VGLL4: variants seen among roughly 807,000 people sequenced by gnomAD.
VGLL4 encodes transcription cofactor vestigial-like protein 4.
A neutral mutation model predicts 21.0 loss-of-function variants in VGLL4; 7 were observed. The observed-to-expected ratio is 0.33, with a 90% CI of 0.19 to 0.63. The LOEUF (loss-of-function observed/expected upper bound fraction) is 0.63. VGLL4 is among the 20% of genes least tolerant of loss of function. The pLI, the probability that VGLL4 is intolerant of heterozygous loss-of-function variation, is 0.78. For missense variants in VGLL4, 394 were observed against 425.7 expected (o/e 0.93, Z 0.66); for synonymous variants, 222 against 173.2 (o/e 1.28, Z -2.21).
chr3:11,654,015 G>T (rs1455983641), intron 2 of VGLL4, among the ~76,000 whole-genome samples: 1 of 152,042 alleles, frequency 6.6e-6, no homozygotes, highest in Non-Finnish European at 1.5e-5. Flanking sequence ...CAAATTTGGG[G>T]GTGTTGTTAA....
intron 2 of VGLL4, chr3:11,582,277 G>C (rs561130315): frequency 4.4e-6 from 7 of 1,605,830 alleles, no homozygotes; most frequent in South Asian, 2.2e-5. Context: ...AAGGGTTCTT[G>C]GTACTAACCT....
At chr3:11,654,088 C>T (rs992113304) in intron 2 of VGLL4, among the ~76,000 whole-genome samples, 1 of 147,796 alleles carries the variant, frequency 6.8e-6, no homozygotes, top group Non-Finnish European at 1.5e-5. Flanking sequence ...ACACCCCCCA[C>T]CACCACCACC....
intron 1 of VGLL4, among the ~76,000 whole-genome samples, chr3:11,711,091 T>TC (rs993128471): frequency 2.1e-5 from 3 of 141,622 alleles, no homozygotes; most frequent in Non-Finnish European, 3.0e-5. Flanking sequence ...AGAGTGAGAC[T>TC]CCATCTCAAA....
At chr3:11,643,967 ATGC>A (rs1400691070), upstream of VGLL4, 15 of 992,282 alleles carry the variant, frequency 1.5e-5, no homozygotes, top group Non-Finnish European at 1.8e-5. Flanking sequence ...GAGGCCGAGC[ATGC>A]TCACTGCGCC....
chr3:11,715,825 C>G (rs2076911744), intron 1 of VGLL4, among the ~76,000 whole-genome samples: 1 of 152,090 alleles, frequency 6.6e-6, no homozygotes, highest in Admixed American at 6.6e-5. Flanking sequence ...TATTTAATAC[C>G]TATTGTTGAT....
Position 11,667,662 on chromosome 3 carries a change from A to C in VGLL4, c.64+35309T>G, listed in dbSNP as rs1485631444. 2.6e-5 allele frequency among the ~76,000 whole-genome samples: 4 copies of C among 152,228 alleles called. No homozygotes were observed. In the East Asian group the frequency reaches 5.8e-4, roughly 22 times the overall value. On this transcript the variant is annotated intron_variant, in intron 2 of 5. Coordinates refer to the VGLL4 transcript ENST00000273038. ...AACACATGTGTAGAAGACCATGGAA[A>C]GCGACCAAACATCAAAGCCATCTCA...
At position 11,627,251 on chromosome 3, in the gene VGLL4, G is replaced by A. The variant is rs7373037; in HGVS notation, c.82+16186C>T. 4.3e-5 allele frequency: 6 copies of A among 138,618 alleles called. No homozygotes were observed. In the East Asian group the frequency reaches 1.4e-3, roughly 32 times the overall value. The allele number at this position is 138,618 out of a possible 1,614,324, so 8.6% of individuals were successfully genotyped here. On this transcript the variant is annotated intron_variant, in intron 1 of 4. Transcript: ENST00000430365. Reference sequence around the variant, plus strand: ...ACACACTCTCTCTCTCTCTCTCTCTGTCGGTTTTTAAATTACTGGCCACTG... The same window carrying A: ...ACACACTCTCTCTCTCTCTCTCTCTATCGGTTTTTAAATTACTGGCCACTG...
At chr3:11,652,554 G>A (rs2075890470) in intron 2 of VGLL4, among the ~76,000 whole-genome samples, 3 of 152,230 alleles carry the variant, frequency 2.0e-5, no homozygotes, top group Non-Finnish European at 4.4e-5. Flanking sequence ...CAAAGTAGCT[G>A]GGATAACAGG....
intron 2 of VGLL4, among the ~76,000 whole-genome samples, chr3:11,659,951 A>C (rs892499340): frequency 2.6e-5 from 4 of 152,226 alleles, no homozygotes; most frequent in African/African-American, 7.2e-5. Context: ...TCATGAGGTC[A>C]GGAGATTGAG....
intron 2 of VGLL4, among the ~76,000 whole-genome samples, chr3:11,578,262 C>G (rs1321164338): frequency 6.6e-6 from 1 of 152,176 alleles, no homozygotes; most frequent in Non-Finnish European, 1.5e-5. Context: ...ATTATTTCAG[C>G]TTTGTGACCC....
At chr3:11,686,018 T>C (rs563318557) in intron 2 of VGLL4, among the ~76,000 whole-genome samples, 1 of 152,340 alleles carries the variant, frequency 6.6e-6, no homozygotes, top group South Asian at 2.1e-4. Context: ...GGATAGCTAC[T>C]ATTTAAAAAA....
intron 1 of VGLL4, among the ~76,000 whole-genome samples, chr3:11,607,583 T>A (rs2074973945): frequency 6.6e-6 from 1 of 152,228 alleles, no homozygotes; most frequent in Admixed American, 6.5e-5. Context: ...TTGTATAGTA[T>A]GTGAATTATG....
At chr3:11,692,587 C>T (rs6762358) in intron 2 of VGLL4, among the ~76,000 whole-genome samples, 67,264 of 151,878 alleles carry the variant, frequency 0.44, 15,886 homozygotes, top group Non-Finnish European at 0.54. Context: ...AGAGGAGGAG[C>T]GCTCCCCTGT....
At chr3:11,593,389 T>A (rs1341773312) in intron 2 of VGLL4, among the ~76,000 whole-genome samples, 1 of 152,130 alleles carries the variant, frequency 6.6e-6, no homozygotes, top group Non-Finnish European at 1.5e-5. Context: ...AAACCCCCAA[T>A]CCCATTTTAG....
At chr3:11,659,004 T>G (rs951281742) in intron 2 of VGLL4, among the ~76,000 whole-genome samples, 1 of 152,184 alleles carries the variant, frequency 6.6e-6, no homozygotes. Context: ...CCCAGAGTCA[T>G]GATACAGGTG....
chr3:11,561,716 CCT>C (rs1270233863), intron 3 of VGLL4, among the ~76,000 whole-genome samples: 2 of 152,006 alleles, frequency 1.3e-5, no homozygotes, highest in Non-Finnish European at 2.9e-5. Flanking sequence ...CCAGAAACAC[CCT>C]GTTGGAAGTT....
intron 2 of VGLL4, among the ~76,000 whole-genome samples, chr3:11,689,712 T>A (rs2076499470): frequency 6.6e-6 from 1 of 152,228 alleles, no homozygotes; most frequent in Non-Finnish European, 1.5e-5. Flanking sequence ...GGGAAACCAC[T>A]GCATGCTTCC....
chr3:11,580,280 C>G (rs1196535571), intron 2 of VGLL4, among the ~76,000 whole-genome samples: 1 of 152,238 alleles, frequency 6.6e-6, no homozygotes, highest in Non-Finnish European at 1.5e-5. Context: ...CTTTCCATGA[C>G]TGGCTTACAC....
chr3:11,567,935 A>C (rs1334571670), intron 2 of VGLL4, among the ~76,000 whole-genome samples: 1 of 152,188 alleles, frequency 6.6e-6, no homozygotes, highest in East Asian at 1.9e-4. Flanking sequence ...CTCATGTCCC[A>C]GATTCAGGAG....
Sources: allele counts gnomAD v4.1 joint callset (sites outside exome capture counted in the v4.1 genomes callset), GRCh38; gene constraint gnomAD v4.1.1; transcripts MANE v1.5; gene names NCBI Gene and HGNC (gene_info 2026-07-23, HGNC 2026-07-21).